Variants in PRKN observed in about 807,000 individuals in gnomAD.
PRKN encodes E3 ubiquitin-protein ligase parkin.
In PRKN, 56 loss-of-function variants were observed where a neutral mutation model predicts 59.5. The observed-to-expected ratio is 0.94, with a 90% confidence interval of 0.76 to 1.18. PRKN has a LOEUF of 1.18. Ranked by LOEUF, PRKN falls within the 50% of genes most tolerant of loss-of-function variation. PRKN has a pLI of 0.00. For missense variants in PRKN, 657 were observed against 596.4 expected, an observed-to-expected ratio of 1.10 and a Z score of -1.06; for synonymous variants, 250 against 222.1, an observed-to-expected ratio of 1.13 and a Z score of -1.12.
Position 161,348,818 on chromosome 6 carries a change from G to C in PRKN, c.*1281C>G, listed in dbSNP as rs571904443. 4.8e-5 allele frequency: 10 copies of C among 209,420 alleles called. No individual in the cohort carries two copies. The allele number at this position is 209,420 out of a possible 1,614,324, so 13.0% of individuals were successfully genotyped here. On this transcript the variant is annotated 3_prime_UTR_variant, in exon 12 of 12. Transcript: ENST00000366898. This position sits in a 1 kb window ranked among gnomAD's most constrained non-coding sequence, Gnocchi z 4.9. ...ATAGTGGTTGTACTTTCTCTTCTGC[G>C]TAGTGTGGGTAAGAGCATGCGGTTT...
At chr6:161,780,157 G>A (rs1790142405) in intron 7 of PRKN, among the ~76,000 whole-genome samples, 1 of 152,120 alleles carries the variant, frequency 6.6e-6, no homozygotes, top group Non-Finnish European at 1.5e-5. Context: ...TACCTAAGAT[G>A]AAATCAAGTC....
At chr6:162,405,063 G>A (rs1787990583) in intron 2 of PRKN, among the ~76,000 whole-genome samples, 1 of 152,104 alleles carries the variant, frequency 6.6e-6, no homozygotes, top group Admixed American at 6.6e-5. Flanking sequence ...CACCATGAAT[G>A]TTTCACAATA....
chr6:162,690,816 C>T (rs1256314621), intron 1 of PRKN, among the ~76,000 whole-genome samples: 1 of 152,030 alleles, frequency 6.6e-6, no homozygotes, highest in Non-Finnish European at 1.5e-5. Context: ...ATGGAATGCC[C>T]TAAGACAGAA....
intron 6 of PRKN, among the ~76,000 whole-genome samples, chr6:161,936,428 C>T (rs1779359147): frequency 6.6e-6 from 1 of 152,030 alleles, no homozygotes; most frequent in Non-Finnish European, 1.5e-5. Context: ...CCAGGATGGT[C>T]TCCATCTCCT....
At chr6:162,385,502 T>C (rs1286980134) in intron 2 of PRKN, among the ~76,000 whole-genome samples, 1 of 152,134 alleles carries the variant, frequency 6.6e-6, no homozygotes, top group East Asian at 1.9e-4. Flanking sequence ...ATATGTGCAC[T>C]ATCCTGAGGA....
In PRKN at chr6:161,360,122, G is replaced by C; in HGVS notation, c.1251C>G (p.Pro417=). 2 of 1,614,134 alleles carry C rather than the reference G, an allele frequency of 1.2e-6. No individual in the cohort carries two copies. The highest frequency in any genetic ancestry group is 1.7e-6 in the Non-Finnish European group (2 of 1,179,984). ...CCACTGGTACATGGCAGCGGGGACA[G>C]GGCTTGGTGGTTTTCTTGATGGTTT... The part of the protein sequence containing the change: ...SKETIKKTTK[P]CPRCHVPVEK... Residue 417 remains proline, a synonymous_variant, in exon 11 of 12, where the codon CCC becomes CCG. Transcript: ENST00000366898. The surrounding 1 kb of genome is among the most constrained non-coding windows in gnomAD (Gnocchi z 5.1).
intron 7 of PRKN, among the ~76,000 whole-genome samples, chr6:161,573,526 G>A (rs1487745038): frequency 1.9e-4 from 28 of 150,638 alleles, no homozygotes; most frequent in Non-Finnish European, 3.7e-4. Flanking sequence ...TGAGACCATC[G>A]TGGCTAATAC....
rs141101298 is a variant in PRKN, at chr6:161,633,997, AACACACACAC to A, written c.872-64591_872-64582del. Among the ~76,000 whole-genome samples, 933 of 142,076 alleles carry A rather than the reference AACACACACAC, an allele frequency of 6.6e-3. 3 individuals are homozygous for A. Among genetic ancestry groups the A allele is most frequent in the Non-Finnish European group, 0.011 (708 of 65,936 alleles). 93.2% of individuals were successfully genotyped at this position (142,076 alleles called of 152,430 possible). ...GGGCTTTAACCAAATGGAAAACTTA[AACACACACAC>A]ACACACACACACACACACACACACA... On this transcript the variant is annotated intron_variant, in intron 7 of 11. Coordinates refer to ENST00000366898, the MANE Select transcript of PRKN (RefSeq NM_004562.3).
intron 1 of PRKN, among the ~76,000 whole-genome samples, chr6:162,708,115 A>G (rs1459739137): frequency 6.6e-6 from 1 of 152,240 alleles, no homozygotes; most frequent in Non-Finnish European, 1.5e-5. Flanking sequence ...TCTGATAAAC[A>G]TAAAAGCCAA....
In PRKN at chr6:162,434,224, A is replaced by G. The variant is rs147311468; in HGVS notation, c.171+9086T>C. 6.6e-3 allele frequency among the ~76,000 whole-genome samples: 1,003 copies of G among 152,298 alleles called. 7 individuals carry two copies. Among genetic ancestry groups the G allele is most frequent in the Middle Eastern group, 0.051 (15 of 294 alleles). On this transcript the variant is annotated intron_variant, in intron 2 of 11. Transcript: ENST00000366898. ...CAAAAGGCTAAAACATTTTTTAAAA[A>G]TCCAAAAACAATTGATACTAGAACA...
chr6:162,526,009 ATT>A (rs1245062710), intron 1 of PRKN, among the ~76,000 whole-genome samples: 3 of 151,906 alleles, frequency 2.0e-5, no homozygotes, highest in African/African-American at 7.3e-5. Context: ...CACCCAGCTA[ATT>A]TTTATATTTC....
chr6:162,116,989 G>A (rs1247289008), intron 4 of PRKN, among the ~76,000 whole-genome samples: 2 of 152,198 alleles, frequency 1.3e-5, no homozygotes, highest in Non-Finnish European at 2.9e-5. Flanking sequence ...TCAGACAACA[G>A]GATAGAAGGC....
intron 6 of PRKN, among the ~76,000 whole-genome samples, chr6:161,932,667 G>A (rs976439832): frequency 6.6e-6 from 1 of 152,196 alleles, no homozygotes; most frequent in African/African-American, 2.4e-5. Flanking sequence ...TATGTTTTAT[G>A]TGTCTCTGAC....
At chr6:162,115,554 G>GGA (rs1562522590) in intron 4 of PRKN, among the ~76,000 whole-genome samples, 2 of 144,000 alleles carry the variant, frequency 1.4e-5, no homozygotes. Flanking sequence ...TGTTTCCAAA[G>GGA]AAAAAAAAAA....
At chr6:162,690,684 A>G (rs1427382747) in intron 1 of PRKN, among the ~76,000 whole-genome samples, 1 of 152,170 alleles carries the variant, frequency 6.6e-6, no homozygotes, top group Non-Finnish European at 1.5e-5. Flanking sequence ...AAAGAGGAAA[A>G]GATGATTCTA....
At chr6:162,200,718 C>T (rs528747711) in intron 4 of PRKN, among the ~76,000 whole-genome samples, 7 of 152,252 alleles carry the variant, frequency 4.6e-5, no homozygotes, top group East Asian at 3.9e-4. Flanking sequence ...CCAATCTTAA[C>T]GCAACAGCCC....
rs140129033 is a variant in PRKN, at chr6:161,814,366, G to A, written c.735-28458C>T. Reference sequence around the variant, plus strand: ...GTTTCTAAAGAGACACAGTGTATTCGTCCATTCTCATGTTGCTAATAAAGA... The same window carrying A: ...GTTTCTAAAGAGACACAGTGTATTCATCCATTCTCATGTTGCTAATAAAGA... On this transcript the variant is annotated intron_variant, in intron 6 of 11. Transcript: ENST00000366898. Among the ~76,000 whole-genome samples the A allele has an allele frequency of 2.7e-3, 404 of 152,312 alleles. 2 individuals are homozygous for A. The highest frequency in any genetic ancestry group is 8.0e-3 in the African/African-American group (332 of 41,574).
intron 2 of PRKN, among the ~76,000 whole-genome samples, chr6:162,332,706 G>T (rs546921416): frequency 6.6e-6 from 1 of 151,972 alleles, no homozygotes; most frequent in Non-Finnish European, 1.5e-5. Context: ...TCTTGGAATC[G>T]CACTGTGTGA....
chr6:161,927,198 A>T (rs1310140311), intron 6 of PRKN, among the ~76,000 whole-genome samples: 2 of 152,164 alleles, frequency 1.3e-5, no homozygotes, highest in Non-Finnish European at 2.9e-5. Flanking sequence ...TTATAAGTGA[A>T]TTTGTGTATT....
Sources: gnomAD v4.1 joint callset for allele counts (sites outside exome capture counted in the v4.1 genomes callset) on GRCh38, gnomAD v4.1.1 for gene constraint, Gnocchi (gnomAD v3.1) non-coding constraint, MANE v1.5 for transcripts, NCBI Gene and HGNC (gene_info 2026-07-23, HGNC 2026-07-21) for gene names.